The following ZRANB2 variants were observed in gnomAD, a reference collection of about 807,000 sequenced individuals.
ZRANB2 encodes zinc finger RANBP2-type containing 2, also known as zinc finger Ran-binding domain-containing protein 2.
In ZRANB2, 19 loss-of-function variants were observed where a neutral mutation model predicts 53.4. The ratio of observed to expected loss-of-function variants is 0.36; its 90% confidence interval spans 0.25 to 0.52. The LOEUF (loss-of-function observed/expected upper bound fraction) is 0.52. Among genes scored for constraint, ZRANB2 ranks in the 20% least tolerant of loss-of-function variants. The pLI is 0.93. For missense variants in ZRANB2, 309 were observed against 401.1 expected, an observed-to-expected ratio of 0.77 and a Z score of 1.96; for synonymous variants, 145 against 134.8, an observed-to-expected ratio of 1.08 and a Z score of -0.52.
At chr1:71,067,875 C>T (rs2101042201) in intron 8 of ZRANB2, among the ~76,000 whole-genome samples, 1 of 143,064 alleles carries the variant, frequency 7.0e-6, no homozygotes. Context: ...CTCTCTACTT[C>T]TATTTTTTTT....
chr1:71,071,899 G>C (rs1557792305), intron 6 of ZRANB2, among the ~76,000 whole-genome samples: 1 of 152,110 alleles, frequency 6.6e-6, no homozygotes, highest in Non-Finnish European at 1.5e-5. Flanking sequence ...CTCTAGAACT[G>C]TGTAAGAGAA....
intron 3 of ZRANB2, among the ~76,000 whole-genome samples, chr1:71,077,512 CTT>C (rs1364093718): frequency 6.6e-6 from 1 of 152,122 alleles, no homozygotes; most frequent in African/African-American, 2.4e-5. Context: ...TAGCTGGAAA[CTT>C]TTCCAATACA....
intron 7 of ZRANB2, 64 bp from the exon 8 acceptor site, chr1:71,069,426 A>G: frequency 8.2e-7 from 1 of 1,220,260 alleles, no homozygotes; most frequent in Non-Finnish European, 1.2e-6. Flanking sequence ...TGATATGAAC[A>G]CTGAAAGAAA....
intron 3 of ZRANB2, 47 bp downstream of exon 3, chr1:71,078,410 A>C: frequency 6.6e-7 from 1 of 1,515,826 alleles, no homozygotes; most frequent in Non-Finnish European, 9.1e-7. Flanking sequence ...TAGTGGCCAG[A>C]TCTATTATTT....
At chr1:71,074,246 A>T (rs1344287816) in intron 4 of ZRANB2, among the ~76,000 whole-genome samples, 1 of 152,134 alleles carries the variant, frequency 6.6e-6, no homozygotes, top group African/African-American at 2.4e-5. Flanking sequence ...GTCTTCAAGG[A>T]ATGAATACAG....
At chr1:71,067,953 T>G (rs2101042347) in intron 8 of ZRANB2, among the ~76,000 whole-genome samples, 1 of 151,606 alleles carries the variant, frequency 6.6e-6, no homozygotes, top group South Asian at 2.1e-4. Flanking sequence ...CATGGCTCAC[T>G]GCACCCTTAA....
intron 6 of ZRANB2, among the ~76,000 whole-genome samples, chr1:71,071,345 A>G (rs1306787180): frequency 6.6e-6 from 1 of 152,136 alleles, no homozygotes. Context: ...GTAACCTCTT[A>G]GCTGGTCTCC....
In ZRANB2 at chr1:71,066,857, C is replaced by T; in HGVS notation, c.848G>A (p.Arg283Lys). 9 of 1,612,196 alleles carry T rather than the reference C, an allele frequency of 5.6e-6. No individual in the cohort carries two copies. The highest frequency in any genetic ancestry group is 7.6e-6 in the Non-Finnish European group (9 of 1,179,384). Reference sequence around the variant, plus strand: ...TCTAGAACGACTTCTCTTTCTGTTCCTCTCAGGAGAAGATGATGAACTTGA... The same window carrying T: ...TCTAGAACGACTTCTCTTTCTGTTCTTCTCAGGAGAAGATGATGAACTTGA... ...SYSSSSSSPE[R>K]NRKRSRSRSS... Residue 283 changes from arginine (R) to lysine (K), a missense_variant, in exon 9 of 10, where the codon AGG (arginine) becomes AAG (lysine). Physicochemically the swap from Arg to Lys is conservative, Grantham distance 26. Transcript: ENST00000370920.
chr1:71,065,853 C>T, intron 9 of ZRANB2: 1 of 1,526,840 alleles, frequency 6.5e-7, no homozygotes, highest in African/African-American at 1.4e-5. Context: ...AAGAAAGCAA[C>T]AGAATGAATT....
At chr1:71,076,108 G>A (rs1291254810) in intron 4 of ZRANB2, among the ~76,000 whole-genome samples, 1 of 152,156 alleles carries the variant, frequency 6.6e-6, no homozygotes, top group Non-Finnish European at 1.5e-5. Flanking sequence ...CTTTGATCAT[G>A]TGACATATAA....
chr1:71,080,410 G>A (rs1006297847), intron 1 of ZRANB2, among the ~76,000 whole-genome samples: 13 of 152,120 alleles, frequency 8.5e-5, no homozygotes, highest in African/African-American at 2.9e-4. Flanking sequence ...CAAAGAAAAT[G>A]TCAGAATTTC....
intron 4 of ZRANB2, among the ~76,000 whole-genome samples, chr1:71,073,677 G>C (rs1661643018): frequency 6.6e-6 from 1 of 151,602 alleles, no homozygotes; most frequent in Non-Finnish European, 1.5e-5. Context: ...ATTTACATAG[G>C]AAAAAACTGA....
chr1:71,077,271 T>G (rs1264008479), intron 3 of ZRANB2, among the ~76,000 whole-genome samples: 1 of 152,130 alleles, frequency 6.6e-6, no homozygotes, highest in Admixed American at 6.5e-5. Flanking sequence ...ATTTTCAGAT[T>G]AGGGATGCTG....
At chr1:71,072,295 T>C (rs1362169086) in intron 5 of ZRANB2, 40 bp from the exon 6 acceptor site, 1 of 1,553,390 alleles carries the variant, frequency 6.4e-7, no homozygotes, top group Non-Finnish European at 8.7e-7. Flanking sequence ...CAGCTGATAA[T>C]GCATTAAACT....
chr1:71,078,699 A>G lies in ZRANB2; in HGVS notation c.66T>C (p.Asn22=), dbSNP rs760227222. 1.2e-6 allele frequency: 2 copies of G among 1,612,642 alleles called. No individual in the cohort carries two copies. Among genetic ancestry groups the G allele is most frequent in the Non-Finnish European group, 1.7e-6 (2 of 1,179,046 alleles). ...AGCTGGTTCTTCTAGCAAAGTTTACATTTCCACATCTAAAAACAGATTAAA... is the reference window on the plus strand; with the variant it reads ...AGCTGGTTCTTCTAGCAAAGTTTACGTTTCCACATCTAAAAACAGATTAAA... ...DWICPDKKCG[N]VNFARRTSCN... The change falls in exon 2 of 10, where the codon AAT becomes AAC. Residue 22 remains asparagine (N), a synonymous_variant. Transcript: ENST00000370920.
chr1:71,070,704 A>ATC, intron 7 of ZRANB2, 123 bp downstream of exon 7: 2 of 597,156 alleles, frequency 3.3e-6, no homozygotes, highest in South Asian at 7.4e-5. Flanking sequence ...TTAAAAGTTG[A>ATC]TTTGAATTAA....
intron 7 of ZRANB2, among the ~76,000 whole-genome samples, chr1:71,069,839 A>G (rs1661557191): frequency 6.6e-6 from 1 of 152,166 alleles, no homozygotes; most frequent in African/African-American, 2.4e-5. Context: ...TGCTTAGAGA[A>G]TTAAAGGGAA....
At position 71,069,312 on chromosome 1, in the gene ZRANB2, G is replaced by C. The variant is rs757744918; in HGVS notation, c.734C>G (p.Ser245Cys). 4 of 1,612,382 alleles carry C rather than the reference G, an allele frequency of 2.5e-6. No individual in the cohort carries two copies. The South Asian group carries it at 3.3e-5, about 13-fold the overall frequency. ...SSSQSRSRSS[S>C]RERSRSRGSK... ...CCCACGAGATCTCGAACGTTCTCTG[G>C]AACTGGAACGAGATCTTGACTGCGA... Residue 245 changes from serine (S) to cysteine (C), a missense_variant, in exon 8 of 10, where the codon TCC (serine) becomes TGC (cysteine). By Grantham distance (112) the Ser-to-Cys change is moderately radical. Coordinates refer to ENST00000370920, the MANE Select transcript of ZRANB2 (RefSeq NM_203350.3).
At chr1:71,070,796 C>T (rs781198217) in intron 7 of ZRANB2, 31 bp downstream of exon 7, 1 of 1,289,908 alleles carries the variant, frequency 7.8e-7, no homozygotes, top group Non-Finnish European at 1.0e-6. Flanking sequence ...GACATTTTGA[C>T]TGGTGTTACC....
Sources: gnomAD v4.1 joint callset for allele counts (sites outside exome capture counted in the v4.1 genomes callset) on GRCh38, gnomAD v4.1.1 for gene constraint, MANE v1.5 for transcripts, NCBI Gene and HGNC (gene_info 2026-07-23, HGNC 2026-07-21) for gene names.